Variants in TUBGCP2 observed in about 807,000 individuals in gnomAD.
TUBGCP2 encodes the protein gamma-tubulin complex component 2.
TUBGCP2 carries 55 observed loss-of-function variants against 92.2 expected under a neutral mutation model. The observed-to-expected ratio is 0.60, with a 90% CI of 0.48 to 0.75. The LOEUF is 0.75. Ranked by LOEUF, TUBGCP2 falls within the 30% of genes least tolerant of loss-of-function variation. TUBGCP2 has a pLI of 0.00. For synonymous variants in TUBGCP2, 533 were observed against 505.2 expected (o/e 1.06, Z -0.74); for missense variants, 1,093 against 1,188.9 (o/e 0.92, Z 1.19).
At chr10:133,311,347 T>C (rs549680380), upstream of TUBGCP2, among the ~76,000 whole-genome samples, 1 of 152,338 alleles carries the variant, frequency 6.6e-6, no homozygotes, top group East Asian at 1.9e-4. Flanking sequence ...CGTGCAATGC[T>C]GGATTAAGAC....
Position 133,292,986 on chromosome 10 carries a change from T to A in TUBGCP2, c.1024+53A>T, listed in dbSNP as rs552525534. 9 of 1,582,444 alleles carry A rather than the reference T, an allele frequency of 5.7e-6. 1 individual carries two copies. In the East Asian group the frequency reaches 1.8e-4, roughly 32 times the overall value. On this transcript the variant is annotated intron_variant, in intron 7 of 17. Coordinates refer to ENST00000252936, the MANE Select transcript of TUBGCP2 (RefSeq NM_006659.4). ...GAGTCTCTCCTCACACTGGGTGCCA[T>A]GTTCAACACCTGCCACCCACCACTG... is the stretch of plus-strand genomic sequence containing the variant.
rs1847181225 is a variant in TUBGCP2, at chr10:133,288,209, G to A, written c.1642C>T (p.Pro548Ser). 2 of 1,613,788 alleles carry A rather than the reference G, an allele frequency of 1.2e-6. No homozygotes were observed. The highest frequency in any genetic ancestry group is 2.7e-5 in the African/African-American group (2 of 74,950). Residue 548 changes from proline (P) to serine (S), a missense_variant, in exon 11 of 18, where the codon CCC becomes TCC. By Grantham distance (74) the Pro-to-Ser change is moderately conservative. Transcript: ENST00000252936. ...TCCAGGAGCGCTTCCAGGCGAGGGG[G>A]CGTGATGTCCTCCACCGGCTTCCGG... ...ELRKPVEDIT[P>S]PRLEALLELA... is the part of the protein sequence containing the mutation.
rs769480723 is a variant in TUBGCP2, at chr10:133,279,858, A to ACAGGCGCTC, written c.2608_2616dup (p.Glu870_Leu872dup). ...GTGGCCTTCTGGCTCCTCTCTGCAG[A>ACAGGCGCTC]CAGGCGCTCCAGGCGCTCCGTGTAG... On this transcript the variant is annotated inframe_insertion, in exon 18 of 18. Coordinates refer to ENST00000252936, the MANE Select transcript of TUBGCP2 (RefSeq NM_006659.4). The ACAGGCGCTC allele has an allele frequency of 3.1e-6, 5 of 1,606,906 alleles. No homozygotes were observed. Among genetic ancestry groups the ACAGGCGCTC allele is most frequent in the Admixed American group, 3.4e-5 (2 of 58,856 alleles).
Position 133,285,033 on chromosome 10 carries a change from G to C in TUBGCP2, c.2024+52C>G. 2 of 1,555,368 alleles carry C rather than the reference G, an allele frequency of 1.3e-6. No homozygotes were observed. Among genetic ancestry groups the C allele is most frequent in the Admixed American group, 1.7e-5 (1 of 57,492 alleles). ...GGGGGGCGCTGCACCACTGGGCAGA[G>C]TGCAGCGAGCGCTGCTTCAGGAGGG... On this transcript the variant is annotated intron_variant, in intron 13 of 17. Transcript: ENST00000252936. This position sits in a 1 kb window ranked among gnomAD's most constrained non-coding sequence, Gnocchi z 6.8.
Position 133,278,762 on chromosome 10 carries a change from G to C in TUBGCP2, c.*1004C>G, listed in dbSNP as rs983918212. Reference sequence around the variant, plus strand: ...CGGTGCTCTCAGTGAGGCAGCCCCGGGTGAGAGCTGCCCACAACCCTTGTT... The same window carrying C: ...CGGTGCTCTCAGTGAGGCAGCCCCGCGTGAGAGCTGCCCACAACCCTTGTT... On this transcript the variant is annotated 3_prime_UTR_variant, in exon 18 of 18. Coordinates refer to ENST00000252936, the MANE Select transcript of TUBGCP2 (RefSeq NM_006659.4). The C allele has an allele frequency of 1.0e-5, 1 of 99,792 alleles. No individual in the cohort carries two copies. The highest frequency in any genetic ancestry group is 4.2e-5 in the African/African-American group (1 of 23,756). 6.2% of individuals were successfully genotyped at this position (99,792 alleles called of 1,614,324 possible).
intron 1 of TUBGCP2, among the ~76,000 whole-genome samples, chr10:133,306,676 T>C (rs1847827823): frequency 6.6e-6 from 1 of 152,012 alleles, no homozygotes; most frequent in African/African-American, 2.4e-5. Flanking sequence ...TAGTCGCAGA[T>C]ACTCCAGAGG....
chr10:133,284,425 C>T (rs376305714), intron 13 of TUBGCP2, among the ~76,000 whole-genome samples: 2 of 152,218 alleles, frequency 1.3e-5, no homozygotes, highest in Admixed American at 6.5e-5. Context: ...TGCAGTGGCA[C>T]GATCTTGGCT....
chr10:133,308,931 C>CGCGCCCGGGGTGATGCAGTT, upstream of TUBGCP2: 4 of 1,219,904 alleles, frequency 3.3e-6, no homozygotes, highest in Non-Finnish European at 4.1e-6. Context: ...TGCGCCCGCC[C>CGCGCCCGGGGTGATGCAGTT]GCGCCCGGGG....
rs1005195815 is a variant in TUBGCP2, at chr10:133,279,471, C to T, written c.*295G>A. 48 of 403,630 alleles carry T rather than the reference C, an allele frequency of 1.2e-4. No individual in the cohort carries two copies. Among genetic ancestry groups the T allele is most frequent in the Middle Eastern group, 6.3e-4 (1 of 1,578 alleles). 25.0% of individuals were successfully genotyped at this position (403,630 alleles called of 1,614,324 possible). Reference sequence around the variant, plus strand: ...CTTACCCCACATGCATCTTTGCTTGCTCCTGGCTTAAACACCATGTATTTC... The same window carrying T: ...CTTACCCCACATGCATCTTTGCTTGTTCCTGGCTTAAACACCATGTATTTC... On this transcript the variant is annotated 3_prime_UTR_variant, in exon 18 of 18. Coordinates refer to ENST00000252936, the MANE Select transcript of TUBGCP2 (RefSeq NM_006659.4).
chr10:133,293,588 C>A lies in TUBGCP2; in HGVS notation c.798G>T (p.Val266=). ...IRELVHRILP[V]AASYSAVTRF... ...TGGTCACAGCGGAGTAGCTGGCGGC[C>A]ACTGGGAGGATCCTGTGCACCAGCT... The change falls in exon 6 of 18, where the codon GTG becomes GTT. Residue 266 remains valine (V), a synonymous_variant. Coordinates refer to ENST00000252936, the MANE Select transcript of TUBGCP2 (RefSeq NM_006659.4). The A allele has an allele frequency of 6.4e-7, 1 of 1,554,880 alleles. No individual in the cohort carries two copies. The highest frequency in any genetic ancestry group is 8.7e-7 in the Non-Finnish European group (1 of 1,149,188).
At chr10:133,296,938 G>T (rs1358988197) in intron 5 of TUBGCP2, among the ~76,000 whole-genome samples, 1 of 152,184 alleles carries the variant, frequency 6.6e-6, no homozygotes, top group African/African-American at 2.4e-5. Context: ...CGTTCTCCAG[G>T]GTTTCCGGCA....
rs893476836 is a variant in TUBGCP2, at chr10:133,299,373, C to T, written c.456+54G>A. On this transcript the variant is annotated intron_variant, in intron 4 of 17. Transcript: ENST00000252936. ...TGAGTGTGGGTGCCTGTGGACGCCA[C>T]GGACACAGGACCTGCTGCAGCATGG... The T allele has an allele frequency of 3.4e-5, 50 of 1,481,686 alleles. No individual in the cohort carries two copies. In the East Asian group the frequency reaches 5.2e-4, roughly 15 times the overall value. 91.8% of individuals were successfully genotyped at this position (1,481,686 alleles called of 1,614,324 possible). A position where few individuals can be genotyped will look rare whatever the true frequency, so the allele number is the denominator to read the frequency against.
rs752879300 is a variant in TUBGCP2, at chr10:133,283,912, G to A, written c.2115C>T (p.Thr705=). The A allele has an allele frequency of 2.4e-5, 39 of 1,614,020 alleles. No individual in the cohort carries two copies. The highest frequency in any genetic ancestry group is 3.3e-5 in the Non-Finnish European group (39 of 1,179,996). The change falls in exon 14 of 18, where the codon ACC becomes ACT. Residue 705 remains threonine (T), a synonymous_variant. Coordinates refer to ENST00000252936, the MANE Select transcript of TUBGCP2 (RefSeq NM_006659.4). ...TCAGGTTTTTCTCCAGGATGTGCCA[G>A]GTCGGTTCCATCACTTCAAACATCA... ...YYMMFEVMEP[T]WHILEKNLKS... is the part of the protein sequence containing the mutation.
intron 16 of TUBGCP2, 144 bp from the exon 17 acceptor site, chr10:133,281,580 T>C (rs1171327436): frequency 1.1e-5 from 12 of 1,136,154 alleles, no homozygotes; most frequent in South Asian, 1.6e-5. Context: ...TTTCAGGAGA[T>C]TCAAGGTAAA....
At chr10:133,306,123 G>A (rs1324878558) in intron 1 of TUBGCP2, among the ~76,000 whole-genome samples, 1 of 152,252 alleles carries the variant, frequency 6.6e-6, no homozygotes, top group Non-Finnish European at 1.5e-5. Flanking sequence ...TGTTAACTCT[G>A]TTATCTGGGA....
rs777947847 is a variant in TUBGCP2, at chr10:133,300,066, T to C, written c.198A>G (p.Lys66=). Residue 66 remains lysine, a synonymous_variant, in exon 3 of 18, where the codon AAA becomes AAG. Coordinates refer to ENST00000252936, the MANE Select transcript of TUBGCP2 (RefSeq NM_006659.4). ...FSRTPEDFLK[K]YDELKSKNTR... is the part of the protein sequence containing the mutation. ...TATTTTTAGATTTCAGTTCATCATA[T>C]TTCTTTAGAAAGTCTTCTGGAGTAC... is the stretch of plus-strand genomic sequence containing the variant. 1 of 1,614,180 alleles carries C rather than the reference T, an allele frequency of 6.2e-7. No individual in the cohort carries two copies. Among genetic ancestry groups the C allele is most frequent in the Non-Finnish European group, 8.5e-7 (1 of 1,180,014 alleles).
intron 16 of TUBGCP2, among the ~76,000 whole-genome samples, chr10:133,281,840 A>AGCCGGC (rs1321687612): frequency 6.6e-6 from 1 of 152,220 alleles, no homozygotes; most frequent in Non-Finnish European, 1.5e-5. Context: ...GCCACCCCGG[A>AGCCGGC]GCCGGCGCCG....
chr10:133,308,988 C>A (rs778325014), upstream of TUBGCP2: 1 of 1,246,988 alleles, frequency 8.0e-7, no homozygotes, highest in African/African-American at 1.6e-5. Flanking sequence ...CTGCGGGGCC[C>A]GGGGCGGCGG....
At chr10:133,286,243 G>A (rs573584874) in intron 11 of TUBGCP2, among the ~76,000 whole-genome samples, 48 of 152,202 alleles carry the variant, frequency 3.2e-4, no homozygotes, top group Non-Finnish European at 7.4e-5. Flanking sequence ...GGGAGCTTTC[G>A]CAGGTGTGCA....
Sources: gnomAD v4.1 joint callset for allele counts (sites outside exome capture counted in the v4.1 genomes callset) on GRCh38, gnomAD v4.1.1 for gene constraint, Gnocchi (gnomAD v3.1) non-coding constraint, MANE v1.5 for transcripts, NCBI Gene and HGNC (gene_info 2026-07-23, HGNC 2026-07-21) for gene names.